MLLT6: variants seen among roughly 807,000 people sequenced by gnomAD.
MLLT6 encodes the protein MLLT6, PHD finger containing.
MLLT6 carries 22 observed loss-of-function variants against 103.0 expected under a neutral mutation model. The ratio of observed to expected loss-of-function variants is 0.21; its 90% confidence interval spans 0.15 to 0.31. The LOEUF is 0.31. Ranked by LOEUF, MLLT6 falls within the 10% of genes least tolerant of loss-of-function variation. The pLI, the probability that MLLT6 is intolerant of heterozygous loss-of-function variation, is 1.00. For synonymous variants in MLLT6, 606 were observed against 623.5 expected, an observed-to-expected ratio of 0.97 and a Z score of 0.42; for missense variants, 1,199 against 1,441.7, an observed-to-expected ratio of 0.83 and a Z score of 2.73.
chr17:38,720,361 T>G lies in MLLT6; in HGVS notation c.2156-11T>G, dbSNP rs371226573. On this transcript the variant is annotated splice_polypyrimidine_tract_variant and intron_variant, in intron 14 of 19. Transcript: ENST00000621332. Reference sequence around the variant, plus strand: ...CTCGCCCCTCCCTCAGGTTCCTCGCTCTCTCCGCAGTCGTGGAGATGCTGA... The same window carrying G: ...CTCGCCCCTCCCTCAGGTTCCTCGCGCTCTCCGCAGTCGTGGAGATGCTGA... 1.5e-6 allele frequency: 2 copies of G among 1,307,360 alleles called. No homozygotes were observed. The highest frequency in any genetic ancestry group is 2.1e-5 in the Admixed American group (1 of 46,720). The allele number at this position is 1,307,360 out of a possible 1,614,324, so 81.0% of individuals were successfully genotyped here. A position where few individuals can be genotyped will look rare whatever the true frequency, so the allele number is the denominator to read the frequency against.
At chr17:38,719,231 A>C in intron 12 of MLLT6, 1 of 491,020 alleles carries the variant, frequency 2.0e-6, no homozygotes, top group Non-Finnish European at 3.6e-6. Flanking sequence ...AATTTCTATA[A>C]CTCTGAAGAT....
At chr17:38,713,205 C>T in intron 8 of MLLT6, 1 of 586,820 alleles carries the variant, frequency 1.7e-6, no homozygotes, top group Non-Finnish European at 3.1e-6. Context: ...CCACTCTGTG[C>T]AGGTTGGAGG....
chr17:38,723,829 G>A (rs899533621), intron 18 of MLLT6, among the ~76,000 whole-genome samples: 2 of 148,592 alleles, frequency 1.3e-5, no homozygotes, highest in East Asian at 2.0e-4. Context: ...TGCAACCTCC[G>A]CCTCCCGGGT....
chr17:38,719,754 C>G lies in MLLT6; in HGVS notation c.2014C>G (p.Pro672Ala), dbSNP rs775995632. 1.2e-6 allele frequency: 2 copies of G among 1,609,226 alleles called. No homozygotes were observed. The highest frequency in any genetic ancestry group is 8.5e-7 in the Non-Finnish European group (1 of 1,176,998). Residue 672 changes from proline to alanine, a missense_variant, in exon 14 of 20, where the codon CCC becomes GCC. Pro to Ala is a conservative substitution (Grantham distance 27). This residue lies in a region of MLLT6 where 1,034 missense variants were observed against 1,091.5 expected (regional missense o/e 0.95). Coordinates refer to ENST00000621332, the MANE Select transcript of MLLT6 (RefSeq NM_005937.4). ...SPQESLSSMS[P>A]ISSLPALFDQ... ...CCAGGTTCCCTCTGGCCGCAGGTCC[C>G]CCATCAGCAGCCTCCCCGCACTCTT...
intron 11 of MLLT6, 25 bp downstream of exon 11, chr17:38,717,638 C>T (rs1597996508): frequency 6.2e-7 from 1 of 1,608,654 alleles, no homozygotes; most frequent in East Asian, 2.2e-5. Flanking sequence ...CTGGGCTCCT[C>T]CTTCCCTGGG....
At position 38,716,163 on chromosome 17, in the gene MLLT6, G is replaced by A; in HGVS notation, c.1037-204G>A. The stretch of plus-strand genomic sequence containing the variant: ...ATCTGGTGAGGCCAGTAGGGTGCGA[G>A]TTACTCTCCCCCATTTTATTACAGG... On this transcript the variant is annotated intron_variant, in intron 9 of 19. Coordinates refer to ENST00000621332, the MANE Select transcript of MLLT6 (RefSeq NM_005937.4). The surrounding 1 kb of genome is among the most constrained non-coding windows in gnomAD (Gnocchi z 5.6). 9.8e-6 allele frequency: 6 copies of A among 615,092 alleles called. No individual in the cohort carries two copies. Among genetic ancestry groups the A allele is most frequent in the African/African-American group, 1.8e-5 (1 of 54,222 alleles). The allele number at this position is 615,092 out of a possible 1,614,324, so 38.1% of individuals were successfully genotyped here. A position where few individuals can be genotyped will look rare whatever the true frequency, so the allele number is the denominator to read the frequency against.
intron 6 of MLLT6, 42 bp from the exon 7 acceptor site, chr17:38,711,805 G>C (rs556648614): frequency 1.2e-5 from 18 of 1,472,560 alleles, no homozygotes; most frequent in South Asian, 2.8e-5. Flanking sequence ...CCCTAAGCCC[G>C]TGAGAAGAGG....
chr17:38,711,426 T>C (rs1597991576), intron 6 of MLLT6, among the ~76,000 whole-genome samples: 2 of 152,108 alleles, frequency 1.3e-5, no homozygotes, highest in Admixed American at 1.3e-4. Flanking sequence ...GAGGATTGGA[T>C]ATGGAGTGCA....
chr17:38,706,111 CA>C (rs1877055520), intron 1 of MLLT6: 1 of 153,072 alleles, frequency 6.5e-6, no homozygotes, highest in East Asian at 1.9e-4. Context: ...AGGAAGAGGT[CA>C]AGGGGGGGGC....
chr17:38,728,324 C>G lies in MLLT6; in HGVS notation c.*2726C>G, dbSNP rs1322178284. On this transcript the variant is annotated 3_prime_UTR_variant, in exon 20 of 20. Transcript: ENST00000621332. ...ATCTCACCGTCTCCTAACCTCAGTC[C>G]CTTTTTTGAGAGTGAATGGTGGAGG... is the stretch of plus-strand genomic sequence containing the variant. The G allele has an allele frequency of 4.3e-6, 1 of 233,202 alleles. No individual in the cohort carries two copies. The highest frequency in any genetic ancestry group is 8.5e-6 in the Non-Finnish European group (1 of 118,078). 14.4% of individuals were successfully genotyped at this position (233,202 alleles called of 1,614,324 possible).
In MLLT6 at chr17:38,719,893, A is replaced by G; in HGVS notation, c.2153A>G (p.Asn718Ser). The change falls in exon 14 of 20, where the codon AAC becomes AGC. Residue 718 changes from asparagine to serine, a missense_variant and splice_region_variant. Asn to Ser is a conservative substitution (Grantham distance 46). Transcript: ENST00000621332. ...CAGGGCGACGGGGAGGCCGGCGTCA[A>G]CAGTGAGGAGGGGTGGCGCCGGTCG... ...EKQGDGEAGV[N>S]IVEMLKALHA... The G allele has an allele frequency of 6.3e-7, 1 of 1,578,366 alleles. No individual in the cohort carries two copies. The highest frequency in any genetic ancestry group is 8.6e-7 in the Non-Finnish European group (1 of 1,162,844).
intron 6 of MLLT6, among the ~76,000 whole-genome samples, chr17:38,711,617 C>T: frequency 6.6e-6 from 1 of 152,104 alleles, no homozygotes; most frequent in Non-Finnish European, 1.5e-5. Context: ...CTCTTCTGGG[C>T]CTCAGTGGTT....
rs2143692514 is a variant in MLLT6 at position 38,717,957 on chromosome 17, T to C, written c.1942+4T>C. On this transcript the variant is annotated splice_donor_region_variant and intron_variant, in intron 12 of 19. Coordinates refer to ENST00000621332, the MANE Select transcript of MLLT6 (RefSeq NM_005937.4). ...CAAGCTGAGAGCAGCCACACAGGTA[T>C]GTGAATATCTGATCCCCTCTCCCCT... is the stretch of plus-strand genomic sequence containing the variant. 1 of 1,567,454 alleles carries C rather than the reference T, an allele frequency of 6.4e-7. No homozygotes were observed. The highest frequency in any genetic ancestry group is 8.8e-7 in the Non-Finnish European group (1 of 1,138,178).
Position 38,705,447 on chromosome 17 carries a change from CGAGGAG to C in MLLT6, c.-171_-166del, listed in dbSNP as rs994721537. 8.0e-5 allele frequency: 33 copies of C among 412,556 alleles called. No individual in the cohort carries two copies. Among genetic ancestry groups the C allele is most frequent in the Non-Finnish European group, 1.0e-4 (23 of 228,302 alleles). The allele number at this position is 412,556 out of a possible 1,614,324, so 25.6% of individuals were successfully genotyped here. ...GGGGGGGGCGGCCAGACAGAGCGAG[CGAGGAG>C]GAGGAGGAGGAGGACGCGGAGGAGG... On this transcript the variant is annotated 5_prime_UTR_variant, in exon 1 of 20. Coordinates refer to ENST00000621332, the MANE Select transcript of MLLT6 (RefSeq NM_005937.4).
intron 19 of MLLT6, 110 bp from the exon 20 acceptor site, chr17:38,725,447 G>T (rs1905973905): frequency 2.0e-6 from 2 of 981,546 alleles, no homozygotes; most frequent in Admixed American, 2.4e-5. Context: ...GCTTCCATTG[G>T]CCCCGTTTCA....
chr17:38,705,624 C>A lies in MLLT6; in HGVS notation c.-9C>A. 1 of 1,486,388 alleles carries A rather than the reference C, an allele frequency of 6.7e-7. No individual in the cohort carries two copies. Among genetic ancestry groups the A allele is most frequent in the Non-Finnish European group, 9.1e-7 (1 of 1,098,256 alleles). 92.1% of individuals were successfully genotyped at this position (1,486,388 alleles called of 1,614,324 possible). A position where few individuals can be genotyped will look rare whatever the true frequency, so the allele number is the denominator to read the frequency against. ...CCCCGCCCCAGCCCCGGAGGGAGCT[C>A]ATGGGAGTATGAAGGAGATGGTAGG... On this transcript the variant is annotated 5_prime_UTR_variant, in exon 1 of 20. Coordinates refer to ENST00000621332, the MANE Select transcript of MLLT6 (RefSeq NM_005937.4).
In MLLT6 at chr17:38,725,753, G is replaced by C. The variant is rs35470220; in HGVS notation, c.*155G>C. The C allele has an allele frequency of 6.6e-3, 4,127 of 622,228 alleles. 143 individuals are homozygous for C. The East Asian group carries it at 0.081, about 12-fold the overall frequency. 38.5% of individuals were successfully genotyped at this position (622,228 alleles called of 1,614,324 possible). On this transcript the variant is annotated 3_prime_UTR_variant, in exon 20 of 20. Transcript: ENST00000621332. ...GGGAGTGTGGAGAGCTCCTGGTGTC[G>C]AGGACTGAGACTGAGAGGGGAGCCC...
At chr17:38,708,737 A>G (rs1489051285) in intron 4 of MLLT6, among the ~76,000 whole-genome samples, 3 of 152,118 alleles carry the variant, frequency 2.0e-5, no homozygotes, top group Admixed American at 2.0e-4. Context: ...CTCTAGAAAA[A>G]TACAAAAATT....
rs1372933708 is a variant in MLLT6 at position 38,709,435 on chromosome 17, C to A, written c.459-47C>A. The A allele has an allele frequency of 1.9e-6, 3 of 1,542,114 alleles. No homozygotes were observed. In the South Asian group the frequency reaches 3.3e-5, roughly 17 times the overall value. On this transcript the variant is annotated intron_variant, in intron 5 of 19. Coordinates refer to ENST00000621332, the MANE Select transcript of MLLT6 (RefSeq NM_005937.4). The surrounding 1 kb of genome is among the most constrained non-coding windows in gnomAD (Gnocchi z 4.3). Reference sequence around the variant, plus strand: ...CCAGGAGGGTGAGAGGAAGGTGGCTCATGTGATCTGTGGCCTCAGCCGTCT... The same window carrying A: ...CCAGGAGGGTGAGAGGAAGGTGGCTAATGTGATCTGTGGCCTCAGCCGTCT...
Sources: allele counts gnomAD v4.1 joint callset (sites outside exome capture counted in the v4.1 genomes callset), GRCh38; gene constraint gnomAD v4.1.1; regional missense constraint gnomAD v4.1.1; non-coding constraint Gnocchi (gnomAD v3.1); transcripts MANE v1.5; gene names NCBI Gene and HGNC (gene_info 2026-07-23, HGNC 2026-07-21).